UNC13C: variants seen among roughly 807,000 people sequenced by gnomAD.
The protein encoded by UNC13C is protein unc-13 homolog C.
A neutral mutation model predicts 245.4 loss-of-function variants in UNC13C; 174 were observed. The observed-to-expected ratio is 0.71, with a 90% CI of 0.63 to 0.80. UNC13C has a LOEUF of 0.80. Ranked by LOEUF, UNC13C falls within the 30% of genes least tolerant of loss-of-function variation. UNC13C has a pLI of 0.00. For missense variants in UNC13C, 2,829 were observed against 2,602.9 expected, an observed-to-expected ratio of 1.09 and a Z score of -1.89; for synonymous variants, 992 against 895.1, an observed-to-expected ratio of 1.11 and a Z score of -1.93.
intron 2 of UNC13C, among the ~76,000 whole-genome samples, chr15:54,087,698 A>T (rs1899320782): frequency 6.6e-6 from 1 of 152,172 alleles, no homozygotes; most frequent in African/African-American, 2.4e-5. Context: ...TGCTTTAGGC[A>T]GAGCCTTGTC....
At chr15:54,097,484 T>C (rs1392873154) in intron 2 of UNC13C, among the ~76,000 whole-genome samples, 1 of 152,234 alleles carries the variant, frequency 6.6e-6, no homozygotes, top group African/African-American at 2.4e-5. Context: ...TGGTATTCTA[T>C]GTAGCTTGAT....
intron 19 of UNC13C, among the ~76,000 whole-genome samples, chr15:54,481,703 C>T (rs8038858): frequency 0.11 from 16,128 of 151,620 alleles, 1,247 homozygotes; most frequent in African/African-American, 0.22. Context: ...TGTATGCAAG[C>T]ACCAGTGGTG....
chr15:53,880,433 C>T, the UNC13C span, among the ~76,000 whole-genome samples: 14 of 152,280 alleles, frequency 9.2e-5, no homozygotes, highest in South Asian at 2.9e-3. Context: ...AGGAATAGCT[C>T]AATAATGTCC....
intron 2 of UNC13C, among the ~76,000 whole-genome samples, chr15:54,132,672 T>C (rs35177113): frequency 2.0e-5 from 3 of 152,100 alleles, no homozygotes; most frequent in East Asian, 3.9e-4. Context: ...ATTTCATTAA[T>C]GATTTTTCTT....
the UNC13C span, among the ~76,000 whole-genome samples, chr15:53,890,686 T>C: frequency 6.6e-6 from 1 of 152,210 alleles, no homozygotes; most frequent in Non-Finnish European, 1.5e-5. Flanking sequence ...TGGTAGTTTG[T>C]ATTTCTGTGG....
intron 19 of UNC13C, among the ~76,000 whole-genome samples, chr15:54,430,881 G>C (rs996761866): frequency 1.3e-5 from 2 of 151,642 alleles, no homozygotes; most frequent in African/African-American, 2.4e-5. Context: ...AACAGTTGGT[G>C]AGTGGGTTTG....
At chr15:53,885,614 T>C in the UNC13C span, among the ~76,000 whole-genome samples, 1 of 152,202 alleles carries the variant, frequency 6.6e-6, no homozygotes, top group Non-Finnish European at 1.5e-5. Flanking sequence ...AAGGCTCCTA[T>C]GTCACATAAA....
intron 30 of UNC13C, among the ~76,000 whole-genome samples, chr15:54,572,041 C>T (rs1294326534): frequency 6.6e-6 from 1 of 151,956 alleles, no homozygotes; most frequent in Non-Finnish European, 1.5e-5. Context: ...CCAGTGTTTC[C>T]TGGGATCCCT....
intron 2 of UNC13C, among the ~76,000 whole-genome samples, chr15:54,038,170 G>C (rs1195513781): frequency 8.2e-6 from 1 of 121,314 alleles, no homozygotes; most frequent in Non-Finnish European, 1.6e-5. Context: ...TGCACAAGCT[G>C]GAGTACAGTG....
the UNC13C span, among the ~76,000 whole-genome samples, chr15:53,880,133 A>T: frequency 6.6e-6 from 1 of 152,180 alleles, no homozygotes; most frequent in Non-Finnish European, 1.5e-5. Flanking sequence ...CTGCATTATT[A>T]AATGGCTAGG....
chr15:53,994,594 G>T (rs1186150015), intron 1 of UNC13C, among the ~76,000 whole-genome samples: 1 of 151,820 alleles, frequency 6.6e-6, no homozygotes, highest in Non-Finnish European at 1.5e-5. Flanking sequence ...GTTCTAGTCT[G>T]TTTTCTCCCA....
intron 19 of UNC13C, among the ~76,000 whole-genome samples, chr15:54,420,935 G>A (rs2040628117): frequency 1.3e-5 from 2 of 152,128 alleles, no homozygotes; most frequent in South Asian, 4.1e-4. Flanking sequence ...CTTCATTTCA[G>A]AACAGTGGTT....
At chr15:54,427,992 A>C (rs999096059) in intron 19 of UNC13C, among the ~76,000 whole-genome samples, 2 of 151,810 alleles carry the variant, frequency 1.3e-5, no homozygotes, top group African/African-American at 4.8e-5. Context: ...AAGAATTAGA[A>C]GACCAGAATA....
chr15:54,472,020 T>G (rs1373225291), intron 19 of UNC13C, among the ~76,000 whole-genome samples: 2 of 151,828 alleles, frequency 1.3e-5, no homozygotes, highest in Non-Finnish European at 3.0e-5. Context: ...GATGATTGTT[T>G]GCAGATCCTT....
chr15:53,944,779 T>C, the UNC13C span, among the ~76,000 whole-genome samples: 1 of 152,334 alleles, frequency 6.6e-6, no homozygotes, highest in African/African-American at 2.4e-5. Flanking sequence ...TTTGGGTATA[T>C]ACCCAGTAAT....
chr15:53,872,567 C>T, the UNC13C span, among the ~76,000 whole-genome samples: 1 of 152,000 alleles, frequency 6.6e-6, no homozygotes, highest in African/African-American at 2.4e-5. Context: ...GTGGTGTAGG[C>T]TCCAGTTACT....
intron 19 of UNC13C, among the ~76,000 whole-genome samples, chr15:54,451,491 T>G: frequency 6.6e-6 from 1 of 152,096 alleles, no homozygotes; most frequent in East Asian, 1.9e-4. Context: ...TCTGACTGGA[T>G]TATTTTAAAG....
At chr15:54,098,596 C>G (rs1900003985) in intron 2 of UNC13C, among the ~76,000 whole-genome samples, 1 of 152,094 alleles carries the variant, frequency 6.6e-6, no homozygotes, top group African/African-American at 2.4e-5. Flanking sequence ...TGTTTCACTT[C>G]ATGTTTTTTT....
At chr15:54,379,227 A>G (rs913208133) in intron 17 of UNC13C, among the ~76,000 whole-genome samples, 5 of 152,130 alleles carry the variant, frequency 3.3e-5, no homozygotes, top group African/African-American at 9.7e-5. Context: ...AGGGTCTAGT[A>G]TGAAAGTCTA....
Sources: gnomAD v4.1 joint callset for allele counts (sites outside exome capture counted in the v4.1 genomes callset) on GRCh38, gnomAD v4.1.1 for gene constraint, MANE v1.5 for transcripts, NCBI Gene and HGNC (gene_info 2026-07-23, HGNC 2026-07-21) for gene names.